Variants in GALNTL6 observed in about 807,000 individuals in gnomAD.
GALNTL6 encodes the protein polypeptide N-acetylgalactosaminyltransferase-like 6.
GALNTL6 carries 46 observed loss-of-function variants against 73.7 expected under a neutral mutation model. That is an observed-to-expected ratio of 0.62 (90% CI 0.49 to 0.80). The LOEUF is 0.80. Among genes scored for constraint, GALNTL6 ranks in the 30% least tolerant of loss-of-function variants. The pLI is 0.00. For synonymous variants in GALNTL6, 259 were observed against 263.7 expected (o/e 0.98, Z 0.17); for missense variants, 604 against 755.0 (o/e 0.80, Z 2.34).
chr4:172,299,841 T>C (rs1427722937), intron 3 of GALNTL6, among the ~76,000 whole-genome samples: 1 of 152,198 alleles, frequency 6.6e-6, no homozygotes, highest in Non-Finnish European at 1.5e-5. Flanking sequence ...GAATGTATAT[T>C]CTGTTGATTT....
At chr4:172,631,066 A>C (rs1739374720) in intron 5 of GALNTL6, among the ~76,000 whole-genome samples, 1 of 152,056 alleles carries the variant, frequency 6.6e-6, no homozygotes, top group South Asian at 2.1e-4. Context: ...AATGAAAAAC[A>C]TAAAATTCTT....
chr4:173,000,563 T>G (rs769683026), intron 10 of GALNTL6, among the ~76,000 whole-genome samples: 1 of 152,172 alleles, frequency 6.6e-6, no homozygotes, highest in African/African-American at 2.4e-5. Flanking sequence ...ATCCTAAAAT[T>G]TATATGGAAT....
intron 10 of GALNTL6, among the ~76,000 whole-genome samples, chr4:172,977,476 G>A (rs1486640502): frequency 2.0e-5 from 3 of 152,196 alleles, no homozygotes; most frequent in Non-Finnish European, 4.4e-5. Flanking sequence ...GTTGGCTGTT[G>A]TGAGACCTCA....
chr4:172,185,399 A>G (rs1735387157), intron 2 of GALNTL6, among the ~76,000 whole-genome samples: 1 of 152,348 alleles, frequency 6.6e-6, no homozygotes, highest in Non-Finnish European at 1.5e-5. Flanking sequence ...AATGATCGTT[A>G]CACCACAACT....
At chr4:172,781,967 T>C (rs1379469122) in intron 5 of GALNTL6, among the ~76,000 whole-genome samples, 3 of 151,610 alleles carry the variant, frequency 2.0e-5, no homozygotes, top group Non-Finnish European at 4.4e-5. Flanking sequence ...TAAAACTTTC[T>C]CAAAAATAGT....
At chr4:172,959,262 G>A (rs1309443199) in intron 10 of GALNTL6, among the ~76,000 whole-genome samples, 1 of 152,030 alleles carries the variant, frequency 6.6e-6, no homozygotes, top group African/African-American at 2.4e-5. Flanking sequence ...CTTTGAACTG[G>A]GGGAAAAGGT....
At chr4:172,661,371 A>G (rs544076855) in intron 5 of GALNTL6, among the ~76,000 whole-genome samples, 17 of 152,322 alleles carry the variant, frequency 1.1e-4, no homozygotes, top group African/African-American at 4.1e-4. Context: ...TTATCATTGC[A>G]TGAGCCAATT....
chr4:172,584,607 C>A (rs1737331140), intron 5 of GALNTL6, among the ~76,000 whole-genome samples: 1 of 152,032 alleles, frequency 6.6e-6, no homozygotes, highest in East Asian at 1.9e-4. Context: ...AGGAAGACTT[C>A]CAAGTTTCAG....
intron 5 of GALNTL6, among the ~76,000 whole-genome samples, chr4:172,410,146 GC>G (rs1396229810): frequency 1.3e-5 from 2 of 151,722 alleles, no homozygotes; most frequent in Non-Finnish European, 2.9e-5. Context: ...ATTTGAAATA[GC>G]AATATCCTGG....
chr4:172,669,030 C>T (rs1174288536), intron 5 of GALNTL6: 1 of 152,120 alleles, frequency 6.6e-6, no homozygotes, highest in Non-Finnish European at 1.5e-5. Flanking sequence ...TTTATAGATT[C>T]AGTTCTGTAA....
intron 10 of GALNTL6, among the ~76,000 whole-genome samples, chr4:172,998,215 C>T (rs1751883190): frequency 6.6e-6 from 1 of 152,188 alleles, no homozygotes; most frequent in Non-Finnish European, 1.5e-5. Flanking sequence ...ATGTGACTAG[C>T]ATGGAGCAAT....
chr4:171,900,877 C>A (rs1737070744), intron 2 of GALNTL6, among the ~76,000 whole-genome samples: 3 of 107,768 alleles, frequency 2.8e-5, no homozygotes, highest in Admixed American at 2.2e-4. Context: ...AGACTAATAA[C>A]TAAAATATTA....
At chr4:172,531,996 C>G (rs1188559251) in intron 5 of GALNTL6, among the ~76,000 whole-genome samples, 1 of 152,154 alleles carries the variant, frequency 6.6e-6, no homozygotes, top group East Asian at 1.9e-4. Flanking sequence ...CATTAAACTC[C>G]AAGAATGGGT....
At chr4:171,936,241 T>C (rs756168624) in intron 2 of GALNTL6, among the ~76,000 whole-genome samples, 1 of 152,120 alleles carries the variant, frequency 6.6e-6, no homozygotes, top group Non-Finnish European at 1.5e-5. Context: ...AAGTACAATA[T>C]AAATAGACCA....
At chr4:172,538,393 G>A (rs1016223299) in intron 5 of GALNTL6, among the ~76,000 whole-genome samples, 33 of 152,168 alleles carry the variant, frequency 2.2e-4, no homozygotes, top group Non-Finnish European at 4.4e-5. Flanking sequence ...CCAGGAAGCA[G>A]AGCTTGCAAA....
At chr4:172,590,913 T>G (rs1737612926) in intron 5 of GALNTL6, among the ~76,000 whole-genome samples, 4 of 152,158 alleles carry the variant, frequency 2.6e-5, no homozygotes, top group Admixed American at 2.6e-4. Context: ...CTCTTGTTTG[T>G]TATTACTGCG....
At chr4:172,999,509 G>C (rs1440449534) in intron 10 of GALNTL6, among the ~76,000 whole-genome samples, 1 of 152,090 alleles carries the variant, frequency 6.6e-6, no homozygotes, top group African/African-American at 2.4e-5. Flanking sequence ...GGCAAAAAAG[G>C]ATTTGAAGTT....
At chr4:172,583,996 A>G (rs1737308810) in intron 5 of GALNTL6, among the ~76,000 whole-genome samples, 1 of 151,980 alleles carries the variant, frequency 6.6e-6, no homozygotes, top group Non-Finnish European at 1.5e-5. Flanking sequence ...CATTCACTCA[A>G]CCATTCATGT....
At chr4:172,412,504 C>T (rs879418780) in intron 5 of GALNTL6, among the ~76,000 whole-genome samples, 8 of 152,220 alleles carry the variant, frequency 5.3e-5, no homozygotes, top group African/African-American at 1.2e-4. Context: ...GATAGCATAA[C>T]GCAAGCAAAA....
Sources: gnomAD v4.1 joint callset for allele counts (sites outside exome capture counted in the v4.1 genomes callset) on GRCh38, gnomAD v4.1.1 for gene constraint, MANE v1.5 for transcripts, NCBI Gene and HGNC (gene_info 2026-07-23, HGNC 2026-07-21) for gene names.